ZNF676: variants seen among roughly 807,000 people sequenced by gnomAD.
The protein encoded by ZNF676 is zinc finger protein 676.
In ZNF676, 4 loss-of-function variants were observed where a neutral mutation model predicts 6.0. The observed-to-expected ratio is 0.67, with a 90% CI of 0.33 to 1.53. ZNF676 has a LOEUF of 1.53. ZNF676 is among the 40% of genes most tolerant of loss of function. The pLI is 0.06. For missense variants in ZNF676, 644 were observed against 679.7 expected, an observed-to-expected ratio of 0.95 and a Z score of 0.58; for synonymous variants, 198 against 223.1, an observed-to-expected ratio of 0.89 and a Z score of 1.00.
chr19:22,210,509 A>C (rs1441281900), intron 1 of ZNF676, among the ~76,000 whole-genome samples: 1 of 152,256 alleles, frequency 6.6e-6, no homozygotes, highest in Admixed American at 6.5e-5. Context: ...ACAACCCCCA[A>C]AAAGTCAAAT....
At chr19:22,182,593 A>AAAACAAAAAACAAAAAAC (rs1555773384) in intron 2 of ZNF676, among the ~76,000 whole-genome samples, 6 of 90,930 alleles carry the variant, frequency 6.6e-5, no homozygotes, top group African/African-American at 2.3e-4. Context: ...TCTAAAAAAA[A>AAAACAAAAAACAAAAAAC]AAAAAAAAAG....
the ZNF676 span, among the ~76,000 whole-genome samples, chr19:22,228,766 G>T: frequency 0.41 from 61,657 of 151,954 alleles, 13,236 homozygotes; most frequent in African/African-American, 0.55. Context: ...TTGCTACAAA[G>T]AGAATAAAAT....
chr19:22,196,533 A>G lies in ZNF676; in HGVS notation c.34+67T>C, dbSNP rs1436346920. On this transcript the variant is annotated intron_variant, in intron 1 of 2. Transcript: ENST00000397121. ...GCATTCATCCTCCTTTGTTCAGTCC[A>G]ATAAGGTCTGCAGCAAAATGAAACC... is the stretch of plus-strand genomic sequence containing the variant. 3.1e-6 allele frequency: 5 copies of G among 1,611,984 alleles called. No individual in the cohort carries two copies. The Admixed American group carries it at 6.7e-5, about 22-fold the overall frequency.
the ZNF676 span, among the ~76,000 whole-genome samples, chr19:22,248,722 TTTTG>T: frequency 2.3e-3 from 349 of 152,160 alleles, 4 homozygotes; most frequent in African/African-American, 7.9e-3. Context: ...CTTTGTGGTT[TTTTG>T]TTTGTTTGTT....
chr19:22,221,066 A>G, the ZNF676 span, among the ~76,000 whole-genome samples: 2 of 151,862 alleles, frequency 1.3e-5, no homozygotes, highest in Non-Finnish European at 2.9e-5. Flanking sequence ...TTTCAAATTT[A>G]TTTAGTTCTT....
the ZNF676 span, among the ~76,000 whole-genome samples, chr19:22,222,344 G>T: frequency 6.6e-6 from 1 of 152,144 alleles, no homozygotes; most frequent in African/African-American, 2.4e-5. Context: ...GACCTCAGGT[G>T]ATCTGCCTGC....
chr19:22,224,396 A>G, the ZNF676 span, among the ~76,000 whole-genome samples: 1 of 150,312 alleles, frequency 6.7e-6, no homozygotes, highest in Non-Finnish European at 1.5e-5. Context: ...ATCAGATTAT[A>G]TATTTGTGTG....
At chr19:22,199,598 C>T (rs1251729431), upstream of ZNF676, among the ~76,000 whole-genome samples, 2 of 151,942 alleles carry the variant, frequency 1.3e-5, no homozygotes, top group Non-Finnish European at 2.9e-5. Flanking sequence ...ATTTTTATTT[C>T]TATTTGTTTA....
At chr19:22,193,650 A>G (rs2023937559) in intron 1 of ZNF676, among the ~76,000 whole-genome samples, 2 of 152,068 alleles carry the variant, frequency 1.3e-5, no homozygotes, top group South Asian at 4.1e-4. Flanking sequence ...AGGAGAGGAG[A>G]ATTGGCCTCT....
At chr19:22,223,105 C>T in the ZNF676 span, among the ~76,000 whole-genome samples, 11 of 151,916 alleles carry the variant, frequency 7.2e-5, no homozygotes, top group African/African-American at 2.4e-5. Context: ...CAGGCTGTGG[C>T]TGGGAGGAGT....
intron 1 of ZNF676, among the ~76,000 whole-genome samples, chr19:22,212,383 T>A (rs1033857651): frequency 6.6e-6 from 1 of 151,860 alleles, no homozygotes; most frequent in Non-Finnish European, 1.5e-5. Flanking sequence ...CAAGCCCTAC[T>A]AATAAGATGC....
At chr19:22,227,011 A>G in the ZNF676 span, among the ~76,000 whole-genome samples, 4 of 152,206 alleles carry the variant, frequency 2.6e-5, no homozygotes, top group African/African-American at 9.6e-5. Flanking sequence ...AAACCTTTCA[A>G]AATAACCAAA....
chr19:22,215,692 T>C, exon 1 of ZNF676: 8 of 1,589,678 alleles, frequency 5.0e-6, no homozygotes, highest in Non-Finnish European at 6.9e-6. Flanking sequence ...TACCTGCAGG[T>C]CATAGGGCCA....
At chr19:22,241,247 C>T in the ZNF676 span, among the ~76,000 whole-genome samples, 2 of 151,972 alleles carry the variant, frequency 1.3e-5, no homozygotes, top group Non-Finnish European at 2.9e-5. Flanking sequence ...AATTAACAAT[C>T]CCACACATGT....
chr19:22,240,923 T>C, the ZNF676 span, among the ~76,000 whole-genome samples: 6 of 151,986 alleles, frequency 3.9e-5, no homozygotes. Flanking sequence ...TATTTCATAA[T>C]GTCCCCTGTA....
intron 1 of ZNF676, among the ~76,000 whole-genome samples, chr19:22,194,422 A>G (rs1378587624): frequency 6.6e-6 from 1 of 152,200 alleles, no homozygotes; most frequent in East Asian, 1.9e-4. Flanking sequence ...CAGGAACTGA[A>G]TTTCATTGTT....
chr19:22,209,773 CA>C (rs1404041918), intron 1 of ZNF676, among the ~76,000 whole-genome samples: 1 of 152,140 alleles, frequency 6.6e-6, no homozygotes, highest in Non-Finnish European at 1.5e-5. Context: ...TCCATGCAGC[CA>C]GATAAGATTA....
the ZNF676 span, among the ~76,000 whole-genome samples, chr19:22,224,912 T>A: frequency 4.6e-5 from 7 of 152,226 alleles, no homozygotes; most frequent in South Asian, 2.1e-4. Context: ...AAAGGAGTAC[T>A]TTATCCTGGG....
At chr19:22,198,498 C>T (rs372594711), upstream of ZNF676, among the ~76,000 whole-genome samples, 1 of 152,156 alleles carries the variant, frequency 6.6e-6, no homozygotes, top group Non-Finnish European at 1.5e-5. Flanking sequence ...ATCTTGATCT[C>T]AGACATGTTT....
Sources: allele counts gnomAD v4.1 joint callset (sites outside exome capture counted in the v4.1 genomes callset), GRCh38; gene constraint gnomAD v4.1.1; transcripts MANE v1.5; gene names NCBI Gene and HGNC (gene_info 2026-07-23, HGNC 2026-07-21).